Variants in HCFC2 observed in about 807,000 individuals in gnomAD.
HCFC2 encodes host cell factor 2.
HCFC2 carries 18 observed loss-of-function variants against 89.2 expected under a neutral mutation model. The observed-to-expected ratio is 0.20, with a 90% CI of 0.14 to 0.30. The LOEUF is 0.30. Among genes scored for constraint, HCFC2 ranks in the 10% least tolerant of loss-of-function variants. HCFC2 has a pLI of 1.00. For synonymous variants in HCFC2, 308 were observed against 335.7 expected, an observed-to-expected ratio of 0.92 and a Z score of 0.90; for missense variants, 578 against 956.1, an observed-to-expected ratio of 0.60 and a Z score of 5.21.
Position 104,064,862 on chromosome 12 carries a change from G to A in HCFC2, c.163+139G>A, listed in dbSNP as rs1593585949. On this transcript the variant is annotated intron_variant, in intron 1 of 14. Coordinates refer to ENST00000229330, the MANE Select transcript of HCFC2 (RefSeq NM_013320.3). The surrounding 1 kb of genome is among the most constrained non-coding windows in gnomAD (Gnocchi z 7.3). ...GGCGGGCGGCGGGGAGCGCGGCTCA[G>A]CCGGGCAGCCCGGGTCCGGCAGCTC... The A allele has an allele frequency of 4.1e-6, 3 of 734,308 alleles. No individual in the cohort carries two copies. Among genetic ancestry groups the A allele is most frequent in the East Asian group, 3.5e-5 (1 of 28,632 alleles). 45.5% of individuals were successfully genotyped at this position (734,308 alleles called of 1,614,324 possible).
chr12:104,106,508 T>G lies in HCFC2; in HGVS notation c.*3235T>G, dbSNP rs1054745372. The G allele has an allele frequency of 6.6e-6, 1 of 152,160 alleles. No homozygotes were observed. The highest frequency in any genetic ancestry group is 6.5e-5 in the Admixed American group (1 of 15,270). 9.4% of individuals were successfully genotyped at this position (152,160 alleles called of 1,614,324 possible). ...CCAATGATATGTAAAATAAAGCACC[T>G]TTTCTACTATAAACAATTACAGGTG... On this transcript the variant is annotated 3_prime_UTR_variant, in exon 15 of 15. Transcript: ENST00000229330.
intron 12 of HCFC2, among the ~76,000 whole-genome samples, chr12:104,096,995 G>T (rs1884196730): frequency 6.6e-6 from 1 of 152,062 alleles, no homozygotes; most frequent in Admixed American, 6.6e-5. Context: ...TCTGATATTT[G>T]GTTGTCTTAC....
Position 104,098,472 on chromosome 12 carries a change from A to G in HCFC2, c.1870A>G (p.Ile624Val). ...TTTGCTGCCAAAAGGGAAGCAAAGC[A>G]TCTCAAAGGTAGCTATTGATATATT... ...FYLLPKGKQSISKVGNADVPD... is the reference protein window; with the variant it reads ...FYLLPKGKQSVSKVGNADVPD... Residue 624 changes from isoleucine (I) to valine (V), a missense_variant, in exon 13 of 15, where the codon ATC becomes GTC. Ile to Val is a conservative substitution (Grantham distance 29). Transcript: ENST00000229330. 1 of 1,601,936 alleles carries G rather than the reference A, an allele frequency of 6.2e-7. No homozygotes were observed.
At chr12:104,099,528 G>C (rs906222749) in intron 13 of HCFC2, among the ~76,000 whole-genome samples, 3 of 151,940 alleles carry the variant, frequency 2.0e-5, no homozygotes, top group Non-Finnish European at 4.4e-5. Context: ...TTGAGCCCAG[G>C]AGTTTGAGAC....
intron 8 of HCFC2, among the ~76,000 whole-genome samples, chr12:104,087,237 C>T (rs1264142843): frequency 6.6e-6 from 1 of 151,472 alleles, no homozygotes; most frequent in Non-Finnish European, 1.5e-5. Flanking sequence ...ACCTGTAATC[C>T]CAGCTACTTG....
In HCFC2 at chr12:104,087,135, A is replaced by G. The variant is rs1291576063; in HGVS notation, c.1231+121A>G. 9 of 866,238 alleles carry G rather than the reference A, an allele frequency of 1.0e-5. No individual in the cohort carries two copies. In the South Asian group the frequency reaches 1.5e-4, roughly 14 times the overall value. The allele number at this position is 866,238 out of a possible 1,614,324, so 53.7% of individuals were successfully genotyped here. The stretch of plus-strand genomic sequence containing the variant: ...TTTGGGAGGCTGAGGCAGGTGGATC[A>G]CCTGAGGTCAGGAGTTTGAGACCAG... On this transcript the variant is annotated intron_variant, in intron 8 of 14. Coordinates refer to ENST00000229330, the MANE Select transcript of HCFC2 (RefSeq NM_013320.3).
rs1470534280 is a variant in HCFC2, at chr12:104,104,152, A to T, written c.*879A>T. On this transcript the variant is annotated 3_prime_UTR_variant, in exon 15 of 15. Transcript: ENST00000229330. ...ATTAAAATCTTCATAATTGAATTCA[A>T]AATTAAAGTATATGTCCTCCTATTG... 1 of 152,090 alleles carries T rather than the reference A, an allele frequency of 6.6e-6. No homozygotes were observed. The highest frequency in any genetic ancestry group is 1.5e-5 in the Non-Finnish European group (1 of 67,936). 9.4% of individuals were successfully genotyped at this position (152,090 alleles called of 1,614,324 possible).
chr12:104,100,810 C>T (rs1418867356), intron 13 of HCFC2, among the ~76,000 whole-genome samples: 6 of 152,098 alleles, frequency 3.9e-5, no homozygotes, highest in African/African-American at 1.4e-4. Context: ...TGAAATTTCT[C>T]ACTGTAGTTT....
rs747860413 is a variant in HCFC2, at chr12:104,066,253, A to G, written c.250A>G (p.Ile84Val). Reference sequence around the variant, plus strand: ...TGGATTTGTCTGTGATGGTACCAGAATATTAGTATTTGGGGGAATGGTTGA... The same window carrying G: ...TGGATTTGTCTGTGATGGTACCAGAGTATTAGTATTTGGGGGAATGGTTGA... Reference protein sequence around the residue: ...AHGFVCDGTRILVFGGMVEYG... With the variant: ...AHGFVCDGTRVLVFGGMVEYG... Residue 84 changes from isoleucine (I) to valine (V), a missense_variant, in exon 2 of 15, where the codon ATA becomes GTA. By Grantham distance (29) the Ile-to-Val change is conservative. Around this residue, in one of 4 missense-constraint regions of HCFC2, gnomAD observed 206 missense variants for 419.2 expected, o/e 0.49. Transcript: ENST00000229330. The G allele has an allele frequency of 6.2e-7, 1 of 1,612,104 alleles. No individual in the cohort carries two copies. Among genetic ancestry groups the G allele is most frequent in the East Asian group, 2.2e-5 (1 of 44,804 alleles).
At chr12:104,066,524 A>G (rs1033493126) in intron 2 of HCFC2, among the ~76,000 whole-genome samples, 1 of 152,226 alleles carries the variant, frequency 6.6e-6, no homozygotes, top group African/African-American at 2.4e-5. Context: ...TTTCCACTTC[A>G]CTTAAAACCC....
rs199852582 is a variant in HCFC2 at position 104,102,950 on chromosome 12, C to G, written c.2065-9C>G. ...AACCTTTAACCTGTTTTTTCCCCCCCCCTTCAAGAATGTTGAAGGTATCCA... is the reference window on the plus strand; with the variant it reads ...AACCTTTAACCTGTTTTTTCCCCCCGCCTTCAAGAATGTTGAAGGTATCCA... On this transcript the variant is annotated splice_polypyrimidine_tract_variant and intron_variant, in intron 14 of 14. Transcript: ENST00000229330. 22 of 1,590,690 alleles carry G rather than the reference C, an allele frequency of 1.4e-5. No individual in the cohort carries two copies. The highest frequency in any genetic ancestry group is 1.7e-4 in the Middle Eastern group (1 of 5,962).
intron 14 of HCFC2, 91 bp from the exon 15 acceptor site, chr12:104,102,868 C>T: frequency 9.3e-7 from 1 of 1,079,678 alleles, no homozygotes; most frequent in Non-Finnish European, 1.3e-6. Context: ...TAAAAATGAA[C>T]ATTTTGTATT....
In HCFC2 at chr12:104,064,543, G is replaced by GA; in HGVS notation, c.-18_-17insA. The GA allele has an allele frequency of 2.0e-6, 3 of 1,483,260 alleles. No individual in the cohort carries two copies. The highest frequency in any genetic ancestry group is 2.7e-6 in the Non-Finnish European group (3 of 1,114,624). The allele number at this position is 1,483,260 out of a possible 1,614,324, so 91.9% of individuals were successfully genotyped here. On this transcript the variant is annotated 5_prime_UTR_variant, in exon 1 of 15. Coordinates refer to ENST00000229330, the MANE Select transcript of HCFC2 (RefSeq NM_013320.3). The surrounding 1 kb of genome is among the most constrained non-coding windows in gnomAD (Gnocchi z 7.3). ...GCGGGAGCGGTGCATTGTGGGCAGA[G>GA]GGGCGGGGGTTGGGAAGATGGCGGC...
intron 7 of HCFC2, among the ~76,000 whole-genome samples, 174 bp from the exon 8 acceptor site, chr12:104,086,673 C>T (rs1345921872): frequency 6.6e-6 from 1 of 150,912 alleles, no homozygotes; most frequent in African/African-American, 2.4e-5. Flanking sequence ...GAACCCCAAA[C>T]TATTTTTATT....
At chr12:104,098,508 TA>T (rs1189057544) in intron 13 of HCFC2, 28 bp downstream of exon 13, 4 of 1,564,106 alleles carry the variant, frequency 2.6e-6, no homozygotes, top group Middle Eastern at 2.1e-4. Flanking sequence ...TTCTACATTG[TA>T]AATTATAAGC....
chr12:104,093,735 C>A (rs1306781526), intron 10 of HCFC2, among the ~76,000 whole-genome samples, 172 bp downstream of exon 10: 1 of 150,808 alleles, frequency 6.6e-6, no homozygotes, highest in East Asian at 1.9e-4. Context: ...CTTACCTGAA[C>A]AGTAATGATT....
At chr12:104,070,320 G>A (rs995286437) in intron 3 of HCFC2, among the ~76,000 whole-genome samples, 8 of 152,116 alleles carry the variant, frequency 5.3e-5, no homozygotes, top group African/African-American at 1.9e-4. Context: ...GAGCCACTGC[G>A]CCCGGCCAAA....
Position 104,093,534 on chromosome 12 carries a change from A to G in HCFC2, c.1433A>G (p.His478Arg). 6.2e-7 allele frequency: 1 copy of G among 1,612,038 alleles called. No homozygotes were observed. Among genetic ancestry groups the G allele is most frequent in the Non-Finnish European group, 8.5e-7 (1 of 1,179,088 alleles). Reference protein sequence around the residue: ...LASNASNHNSHVVDMLRKNEG... With the variant: ...LASNASNHNSRVVDMLRKNEG... ...TCAAATGCTTCTAATCATAATAGTC[A>G]TGTGGTGGATATGCTAAGGAAAAAT... The change falls in exon 10 of 15, where the codon CAT becomes CGT. Residue 478 changes from histidine (H) to arginine (R), a missense_variant. By Grantham distance (29) the His-to-Arg change is conservative. This residue lies in a region of HCFC2 where 210 missense variants were observed against 251.7 expected (regional missense o/e 0.83). Coordinates refer to ENST00000229330, the MANE Select transcript of HCFC2 (RefSeq NM_013320.3).
In HCFC2 at chr12:104,068,140, T is replaced by C. The variant is rs1288011149; in HGVS notation, c.473+33T>C. 2 of 1,520,916 alleles carry C rather than the reference T, an allele frequency of 1.3e-6. No homozygotes were observed. The highest frequency in any genetic ancestry group is 4.8e-5 in the East Asian group (2 of 41,818). The allele number at this position is 1,520,916 out of a possible 1,614,324, so 94.2% of individuals were successfully genotyped here. On this transcript the variant is annotated intron_variant, in intron 3 of 14. Coordinates refer to ENST00000229330, the MANE Select transcript of HCFC2 (RefSeq NM_013320.3). This position sits in a 1 kb window ranked among gnomAD's most constrained non-coding sequence, Gnocchi z 4.1. ...GACTCTTTCAGACCAAATGCTTATT[T>C]TATGATTTAGAGTAGGAACATTTTA...
Sources: gnomAD v4.1 joint callset for allele counts (sites outside exome capture counted in the v4.1 genomes callset) on GRCh38, gnomAD v4.1.1 for gene constraint, gnomAD v4.1.1 regional missense constraint, Gnocchi (gnomAD v3.1) non-coding constraint, MANE v1.5 for transcripts, NCBI Gene and HGNC (gene_info 2026-07-23, HGNC 2026-07-21) for gene names.